The following ZNF346 variants were observed in gnomAD, a reference collection of about 807,000 sequenced individuals.
ZNF346 encodes the protein zinc finger protein 346, also known as double-stranded RNA-binding zinc finger protein JAZ.
Under a neutral mutation model 33.7 loss-of-function variants are expected in ZNF346, and 23 were observed. That is an observed-to-expected ratio of 0.68 (90% CI 0.49 to 0.97). ZNF346 has a LOEUF of 0.97. ZNF346 is among the 50% of genes least tolerant of loss of function. The probability of loss-of-function intolerance (pLI) is 0.00; values close to 1 mark genes in which losing one functional copy is unlikely to be tolerated. For missense variants in ZNF346, 340 were observed against 371.1 expected (o/e 0.92, Z 0.69); for synonymous variants, 134 against 142.4 (o/e 0.94, Z 0.42).
chr5:177,043,349 G>A (rs558501224), intron 3 of ZNF346, among the ~76,000 whole-genome samples: 1 of 152,218 alleles, frequency 6.6e-6, no homozygotes, highest in South Asian at 2.1e-4. Context: ...CTATGACCCT[G>A]GGCAAGTTAT....
chr5:177,041,157 C>T lies in ZNF346; in HGVS notation c.207C>T (p.Leu69=). The T allele has an allele frequency of 6.2e-7, 1 of 1,614,168 alleles. No homozygotes were observed. Among genetic ancestry groups the T allele is most frequent in the Non-Finnish European group, 8.5e-7 (1 of 1,180,022 alleles). Reference sequence around the variant, plus strand: ...ACATGATCCAGAAGAACCAATGTCTCTTCACCAACACCCAGTGTAAGGTTT... The same window carrying T: ...ACATGATCCAGAAGAACCAATGTCTTTTCACCAACACCCAGTGTAAGGTTT... ...VEHMIQKNQC[L]FTNTQCKVCC... Residue 69 remains leucine, a synonymous_variant, in exon 2 of 7, where the codon CTC becomes CTT. Coordinates refer to ENST00000358149, the MANE Select transcript of ZNF346 (RefSeq NM_012279.4).
At chr5:177,047,841 G>GT (rs768562823) in intron 4 of ZNF346, among the ~76,000 whole-genome samples, 6 of 152,076 alleles carry the variant, frequency 3.9e-5, no homozygotes, top group Admixed American at 2.6e-4. Context: ...GTTTCGGCAT[G>GT]TTGGCCAGGC....
At chr5:177,050,693 C>T (rs767844420) in intron 4 of ZNF346, 58 bp from the exon 5 acceptor site, 12 of 1,600,898 alleles carry the variant, frequency 7.5e-6, no homozygotes, top group Non-Finnish European at 9.4e-6. Context: ...TTTGAACTCT[C>T]TCACTGCAGC....
At chr5:177,028,496 T>TTTTATATA (rs1554142622) in intron 1 of ZNF346, among the ~76,000 whole-genome samples, 2 of 90,540 alleles carry the variant, frequency 2.2e-5, no homozygotes, top group East Asian at 3.0e-4. Context: ...TTGTGACGTT[T>TTTTATATA]TATATATATA....
chr5:177,053,804 A>G lies in ZNF346; in HGVS notation c.703+2868A>G, dbSNP rs79124668. On this transcript the variant is annotated intron_variant, in intron 5 of 6. Transcript: ENST00000358149. ...TGACATACTAACATGTTTTTAGAATATACTAGTCCATGCCTAATCCATAGG... is the reference window on the plus strand; with the variant it reads ...TGACATACTAACATGTTTTTAGAATGTACTAGTCCATGCCTAATCCATAGG... Among the ~76,000 whole-genome samples the G allele has an allele frequency of 7.2e-3, 1,102 of 152,302 alleles. 3 individuals carry two copies. Among genetic ancestry groups the G allele is most frequent in the South Asian group, 0.011 (53 of 4,826 alleles).
In ZNF346 at chr5:177,056,075, C is replaced by CA. The variant is rs386405776; in HGVS notation, c.703+5158dup. 5.1e-3 allele frequency among the ~76,000 whole-genome samples: 497 copies of CA among 97,050 alleles called. 12 individuals carry two copies. Among genetic ancestry groups the CA allele is most frequent in the African/African-American group, 0.015 (380 of 25,026 alleles). The allele number at this position is 97,050 out of a possible 152,430, so 63.7% of individuals were successfully genotyped here. ...TGGGCAAAAAAGCCAGACTCCGTCT[C>CA]AAAAAAAAAAAAAAAAAAAGTTAGC... On this transcript the variant is annotated intron_variant, in intron 5 of 6. Transcript: ENST00000358149.
chr5:177,040,603 C>T (rs1779219633), intron 1 of ZNF346, among the ~76,000 whole-genome samples: 1 of 152,226 alleles, frequency 6.6e-6, no homozygotes, highest in Non-Finnish European at 1.5e-5. Flanking sequence ...CCTCGGCCTC[C>T]CAAAGTGCTA....
At chr5:177,080,828 C>A (rs1183771443) in exon 9 of ZNF346, 1 of 152,214 alleles carries the variant, frequency 6.6e-6, no homozygotes, top group East Asian at 1.9e-4. Flanking sequence ...CCAGATCTGT[C>A]CGACTCTGAC....
chr5:177,050,823 C>T lies in ZNF346; in HGVS notation c.590C>T (p.Pro197Leu), dbSNP rs746371686. The change falls in exon 5 of 7, where the codon CCT (proline) becomes CTT (leucine). Residue 197 changes from proline (P) to leucine (L), a missense_variant. Pro to Leu is a moderately conservative substitution (Grantham distance 98, BLOSUM62 -3). Coordinates refer to ENST00000358149, the MANE Select transcript of ZNF346 (RefSeq NM_012279.4). ...CSLCHATFND[P>L]VMAQQHYVGK... ...CTCTGCCATGCAACTTTCAACGACC[C>T]TGTCATGGCTCAACAACATTATGTG... 3 of 1,614,208 alleles carry T rather than the reference C, an allele frequency of 1.9e-6. No homozygotes were observed. The highest frequency in any genetic ancestry group is 2.2e-5 in the South Asian group (2 of 91,088).
At chr5:177,073,534 G>A (rs1783600478) in intron 8 of ZNF346, among the ~76,000 whole-genome samples, 1 of 152,052 alleles carries the variant, frequency 6.6e-6, no homozygotes, top group African/African-American at 2.4e-5. Context: ...GAACTCCTGA[G>A]CTCAAACGAT....
chr5:177,057,556 C>T (rs544231208), intron 5 of ZNF346, among the ~76,000 whole-genome samples: 15 of 151,740 alleles, frequency 9.9e-5, no homozygotes, highest in Non-Finnish European at 2.2e-4. Flanking sequence ...GGTCAACATG[C>T]AAAACCCTGT....
chr5:177,080,770 T>A (rs965429907), exon 9 of ZNF346: 8 of 152,188 alleles, frequency 5.3e-5, no homozygotes, highest in African/African-American at 1.9e-4. Context: ...ATCGTGCCAC[T>A]GCATTCCAGC....
chr5:177,080,775 T>G (rs1195447227), exon 9 of ZNF346: 4 of 152,092 alleles, frequency 2.6e-5, no homozygotes, highest in Admixed American at 6.6e-5. Context: ...GCCACTGCAT[T>G]CCAGCCTGAG....
chr5:177,080,388 C>G (rs1783929543), exon 9 of ZNF346: 1 of 152,266 alleles, frequency 6.6e-6, no homozygotes, highest in African/African-American at 2.4e-5. Flanking sequence ...CAGGCACTGG[C>G]ATTGTGCTTG....
chr5:177,077,512 A>G lies in ZNF346; in HGVS notation c.*3-1870A>G, dbSNP rs927323292. Among the ~76,000 whole-genome samples the G allele has an allele frequency of 6.6e-6, 1 of 152,160 alleles. No homozygotes were observed. The highest frequency in any genetic ancestry group is 2.4e-5 in the African/African-American group (1 of 41,432). On this transcript the variant is annotated intron_variant, in intron 8 of 8. Transcript: ENST00000503039. This position sits in a 1 kb window ranked among gnomAD's most constrained non-coding sequence, Gnocchi z 5.0. ...TGTCTTTCACAGAGAAGCTCTCCCA[A>G]GCAACTCTAGGCATCCCTATTCACA...
At chr5:177,052,162 C>CA (rs1781022584) in intron 5 of ZNF346, among the ~76,000 whole-genome samples, 3 of 147,722 alleles carry the variant, frequency 2.0e-5, no homozygotes, top group Admixed American at 2.0e-4. Flanking sequence ...GAACATGTAT[C>CA]AAAAAAACAA....
rs938724731 is a variant in ZNF346 at position 177,077,520 on chromosome 5, T to C, written c.*3-1862T>C. 4.6e-5 allele frequency among the ~76,000 whole-genome samples: 7 copies of C among 152,240 alleles called. No individual in the cohort carries two copies. The highest frequency in any genetic ancestry group is 1.4e-4 in the African/African-American group (6 of 41,470). ...ACAGAGAAGCTCTCCCAAGCAACTC[T>C]AGGCATCCCTATTCACAGCTCAGCT... On this transcript the variant is annotated intron_variant, in intron 8 of 8. Coordinates refer to the ZNF346 transcript ENST00000503039. This position sits in a 1 kb window ranked among gnomAD's most constrained non-coding sequence, Gnocchi z 5.0.
At chr5:177,060,624 C>T (rs1217491379) in intron 5 of ZNF346, among the ~76,000 whole-genome samples, 1 of 152,000 alleles carries the variant, frequency 6.6e-6, no homozygotes, top group Non-Finnish European at 1.5e-5. Context: ...CCAGCCTGGC[C>T]AACATAGTGA....
rs1159293459 is a variant in ZNF346, at chr5:177,066,654, G to A, written c.*2055G>A. On this transcript the variant is annotated 3_prime_UTR_variant, in exon 7 of 7. Transcript: ENST00000358149. Reference sequence around the variant, plus strand: ...AGGCTAAGGCAGAAAGACCATTCAAGCCCAGGAGTTCCAGCCTGAAGTATG... The same window carrying A: ...AGGCTAAGGCAGAAAGACCATTCAAACCCAGGAGTTCCAGCCTGAAGTATG... Among the ~76,000 whole-genome samples the A allele has an allele frequency of 1.3e-5, 2 of 151,660 alleles. No individual in the cohort carries two copies. Among genetic ancestry groups the A allele is most frequent in the Admixed American group, 6.6e-5 (1 of 15,204 alleles).
Sources: allele counts gnomAD v4.1 joint callset (sites outside exome capture counted in the v4.1 genomes callset), GRCh38; gene constraint gnomAD v4.1.1; non-coding constraint Gnocchi (gnomAD v3.1); transcripts MANE v1.5; gene names NCBI Gene and HGNC (gene_info 2026-07-23, HGNC 2026-07-21).